The following MYO10 variants were observed in gnomAD, a reference collection of about 807,000 sequenced individuals.
MYO10 encodes the protein unconventional myosin-X.
MYO10 carries 133 observed loss-of-function variants against 257.3 expected under a neutral mutation model. The observed-to-expected ratio is 0.52, with a 90% CI of 0.45 to 0.60. The LOEUF is 0.60. MYO10 is among the 20% of genes least tolerant of loss of function. The pLI is 0.00. For missense variants in MYO10, 2,399 were observed against 2,635.7 expected (o/e 0.91, Z 1.97); for synonymous variants, 1,104 against 1,028.6 (o/e 1.07, Z -1.40).
chr5:16,874,359 G>GGGGGGT (rs1561031407), intron 2 of MYO10, among the ~76,000 whole-genome samples: 2 of 28,500 alleles, frequency 7.0e-5, no homozygotes, highest in Non-Finnish European at 1.4e-4. Context: ...GGGGGGGGGG[G>GGGGGGT]TTTCTTTTCT....
chr5:16,780,825 G>GAGCACCAAAGAATA, intron 6 of MYO10, 84 bp from the exon 7 acceptor site: 1 of 1,355,526 alleles, frequency 7.4e-7, no homozygotes, highest in Non-Finnish European at 1.0e-6. Flanking sequence ...TCTATTCTTT[G>GAGCACCAAAGAATA]GTGCTCAAAT....
At chr5:16,928,227 A>G (rs1258729607) in intron 1 of MYO10, among the ~76,000 whole-genome samples, 2 of 152,066 alleles carry the variant, frequency 1.3e-5, no homozygotes, top group Non-Finnish European at 2.9e-5. Context: ...ACAATTTTGG[A>G]GACAGTCTCC....
chr5:16,705,125 G>A (rs1004741902), intron 21 of MYO10, among the ~76,000 whole-genome samples: 12 of 152,206 alleles, frequency 7.9e-5, no homozygotes, highest in African/African-American at 2.9e-4. Flanking sequence ...GGGAAGCCAA[G>A]AAATTTCTAA....
At position 16,662,040 on chromosome 5, in the gene MYO10, C is replaced by T. The variant is rs548749925; in HGVS notation, c.*4652G>A. On this transcript the variant is annotated 3_prime_UTR_variant, in exon 41 of 41. Transcript: ENST00000513610. ...CAATGCCAAACCTTGAATCCAGGTCCGATATTTTCCAGCAATCGTGATGCT... is the reference window on the plus strand; with the variant it reads ...CAATGCCAAACCTTGAATCCAGGTCTGATATTTTCCAGCAATCGTGATGCT... 5 of 152,206 alleles carry T rather than the reference C, an allele frequency of 3.3e-5. No individual in the cohort carries two copies. The highest frequency in any genetic ancestry group is 2.1e-4 in the South Asian group (1 of 4,822). 9.4% of individuals were successfully genotyped at this position (152,206 alleles called of 1,614,324 possible).
intron 36 of MYO10, 75 bp from the exon 37 acceptor site, chr5:16,672,900 C>T (rs1736538158): frequency 1.3e-6 from 2 of 1,523,048 alleles, no homozygotes; most frequent in East Asian, 2.4e-5. Context: ...GTGCCATCAC[C>T]TGATCCCAGA....
rs1483377412 is a variant in MYO10, at chr5:16,662,314, CTATTTT to C, written c.*4372_*4377del. On this transcript the variant is annotated 3_prime_UTR_variant, in exon 41 of 41. Coordinates refer to ENST00000513610, the MANE Select transcript of MYO10 (RefSeq NM_012334.3). ...AAAAGTGCTGTCTTAGATTTCTGAA[CTATTTT>C]TTTTTTTTTTTTTTTTTTTTGGAGA... The C allele has an allele frequency of 1.0e-4, 4 of 39,668 alleles. No individual in the cohort carries two copies. The highest frequency in any genetic ancestry group is 1.4e-4 in the Non-Finnish European group (3 of 20,980). 2.5% of individuals were successfully genotyped at this position (39,668 alleles called of 1,614,324 possible). A position where few individuals can be genotyped will look rare whatever the true frequency, so the allele number is the denominator to read the frequency against.
chr5:16,912,494 T>G (rs771379007), intron 1 of MYO10, among the ~76,000 whole-genome samples: 6 of 152,124 alleles, frequency 3.9e-5, no homozygotes, highest in Non-Finnish European at 7.4e-5. Flanking sequence ...GTCTCAATAC[T>G]GGTTTTGAAA....
chr5:16,902,837 A>C (rs930185704), intron 1 of MYO10, among the ~76,000 whole-genome samples: 8 of 152,226 alleles, frequency 5.3e-5, no homozygotes, highest in Admixed American at 3.3e-4. Flanking sequence ...CCTGGAGAAC[A>C]ACCACCATCA....
chr5:16,839,046 T>C lies in MYO10; in HGVS notation c.121-20879A>G, dbSNP rs188983634. ...ATAAAGATGTACAAGGAGATTCATG[T>C]TTTCATGCCTGCTAAGACAACACCC... On this transcript the variant is annotated intron_variant, in intron 2 of 40. Transcript: ENST00000513610. Among the ~76,000 whole-genome samples, 24 of 152,288 alleles carry C rather than the reference T, an allele frequency of 1.6e-4. No individual in the cohort carries two copies. The East Asian group carries it at 3.1e-3, about 20-fold the overall frequency.
intron 19 of MYO10, chr5:16,738,070 G>A: frequency 1.1e-6 from 1 of 938,172 alleles, no homozygotes; most frequent in South Asian, 4.9e-5. Context: ...AAAATTAAGG[G>A]AGATGATGAG....
chr5:16,792,871 T>C (rs1225429962), intron 4 of MYO10, among the ~76,000 whole-genome samples: 1 of 151,350 alleles, frequency 6.6e-6, no homozygotes, highest in Non-Finnish European at 1.5e-5. Context: ...TGTCCCCCCC[T>C]CCCCCGACAT....
At chr5:16,897,007 A>AAGGC (rs1388000277) in intron 1 of MYO10, among the ~76,000 whole-genome samples, 1 of 152,098 alleles carries the variant, frequency 6.6e-6, no homozygotes, top group East Asian at 1.9e-4. Context: ...CAGAAGGAAG[A>AAGGC]AGGCAGGCAG....
chr5:16,899,375 C>T lies in MYO10; in HGVS notation c.22-21668G>A, dbSNP rs193026067. On this transcript the variant is annotated intron_variant, in intron 1 of 40. Coordinates refer to ENST00000513610, the MANE Select transcript of MYO10 (RefSeq NM_012334.3). The stretch of plus-strand genomic sequence containing the variant: ...TGTGGCTGGGCGCGATGACTCACGC[C>T]TGTAATCCCGGCACTTCGGGAGGTG... 6.1e-4 allele frequency among the ~76,000 whole-genome samples: 93 copies of T among 152,164 alleles called. 2 individuals carry two copies. The highest frequency in any genetic ancestry group is 2.0e-3 in the African/African-American group (85 of 41,518).
intron 2 of MYO10, among the ~76,000 whole-genome samples, chr5:16,848,244 C>T (rs1743699474): frequency 1.3e-5 from 2 of 148,432 alleles, no homozygotes; most frequent in South Asian, 2.1e-4. Flanking sequence ...CTGCAACCTC[C>T]ACCTCCTGGG....
At chr5:16,760,461 C>CAA (rs1160701199) in intron 17 of MYO10, among the ~76,000 whole-genome samples, 1 of 85,216 alleles carries the variant, frequency 1.2e-5, no homozygotes, top group Admixed American at 1.3e-4. Flanking sequence ...ACCCTGTCTC[C>CAA]AAAAAAAAAA....
intron 21 of MYO10, among the ~76,000 whole-genome samples, chr5:16,705,948 G>A (rs1043758129): frequency 9.1e-4 from 139 of 152,276 alleles, no homozygotes; most frequent in African/African-American, 3.2e-3. Flanking sequence ...CTGGGAGGCC[G>A]AGGCAGGTGG....
chr5:16,662,887 T>C lies in MYO10; in HGVS notation c.*3805A>G, dbSNP rs768017483. The C allele has an allele frequency of 2.6e-5, 4 of 152,186 alleles. No homozygotes were observed. The highest frequency in any genetic ancestry group is 5.9e-5 in the Non-Finnish European group (4 of 68,032). The allele number at this position is 152,186 out of a possible 1,614,324, so 9.4% of individuals were successfully genotyped here. A position where few individuals can be genotyped will look rare whatever the true frequency, so the allele number is the denominator to read the frequency against. ...TATAAGATGTGCCTTTTCTCCTCCT[T>C]TGCTGTCCACCATGATTGTGAGGCC... On this transcript the variant is annotated 3_prime_UTR_variant, in exon 41 of 41. Coordinates refer to ENST00000513610, the MANE Select transcript of MYO10 (RefSeq NM_012334.3).
intron 2 of MYO10, among the ~76,000 whole-genome samples, chr5:16,820,377 G>C (rs949185325): frequency 6.6e-6 from 1 of 152,094 alleles, no homozygotes; most frequent in Non-Finnish European, 1.5e-5. Context: ...GAAAAGTGCC[G>C]ACCAGGGTGG....
intron 19 of MYO10, among the ~76,000 whole-genome samples, chr5:16,715,083 C>A (rs1738790795): frequency 7.5e-6 from 1 of 133,280 alleles, no homozygotes; most frequent in South Asian, 2.4e-4. Flanking sequence ...TACATCCCAT[C>A]AATACACAAC....
Sources: gnomAD v4.1 joint callset for allele counts (sites outside exome capture counted in the v4.1 genomes callset) on GRCh38, gnomAD v4.1.1 for gene constraint, MANE v1.5 for transcripts, NCBI Gene and HGNC (gene_info 2026-07-23, HGNC 2026-07-21) for gene names.